The following FANCL variants were observed in gnomAD, a reference collection of about 807,000 sequenced individuals.
FANCL encodes the protein E3 ubiquitin-protein ligase FANCL.
A neutral mutation model predicts 59.4 loss-of-function variants in FANCL; 69 were observed. That is an observed-to-expected ratio of 1.16 (90% CI 0.96 to 1.42). The LOEUF is 1.42. Ranked by LOEUF, FANCL falls within the 40% of genes most tolerant of loss-of-function variation. The pLI is 0.00. For synonymous variants in FANCL, 180 were observed against 147.1 expected (o/e 1.22, Z -1.62); for missense variants, 519 against 447.2 (o/e 1.16, Z -1.45).
chr2:58,191,814 C>T (rs2105047458), intron 7 of FANCL, among the ~76,000 whole-genome samples: 1 of 151,970 alleles, frequency 6.6e-6, no homozygotes, highest in East Asian at 1.9e-4. Flanking sequence ...GCATTAACTC[C>T]CTACATCACT....
chr2:58,225,283 T>C (rs913044545), intron 4 of FANCL, among the ~76,000 whole-genome samples: 1 of 151,246 alleles, frequency 6.6e-6, no homozygotes, highest in Non-Finnish European at 1.5e-5. Context: ...AACTCATTAT[T>C]CTAAAAATTG....
At chr2:58,229,049 C>T (rs1298482239) in intron 3 of FANCL, among the ~76,000 whole-genome samples, 3 of 152,096 alleles carry the variant, frequency 2.0e-5, no homozygotes, top group Non-Finnish European at 4.4e-5. Context: ...AACCTTCATT[C>T]TATAAATCAA....
rs2103754665 is a variant in FANCL, at chr2:58,222,042, C to T, written c.274G>A (p.Glu92Lys). ...TCTTGTCTATTCTTTAAGGCAACTT[C>T]CTGTTTAAAAGAAGAAAACCTGAAT... The part of the protein sequence containing the change: ...SFMMELKMLL[E>K]VALKNRQELY... The change falls in exon 5 of 14, where the codon GAA becomes AAA. Residue 92 changes from glutamate to lysine, a missense_variant and splice_region_variant. Coordinates refer to ENST00000233741, the MANE Select transcript of FANCL (RefSeq NM_018062.4). 1 of 1,610,256 alleles carries T rather than the reference C, an allele frequency of 6.2e-7. No individual in the cohort carries two copies. Among genetic ancestry groups the T allele is most frequent in the Non-Finnish European group, 8.5e-7 (1 of 1,176,804 alleles).
At chr2:58,176,133 T>C (rs936401609) in intron 7 of FANCL, among the ~76,000 whole-genome samples, 2 of 151,464 alleles carry the variant, frequency 1.3e-5, no homozygotes, top group African/African-American at 4.8e-5. Flanking sequence ...TAAAAGAGGA[T>C]ACAAACAAAT....
intron 2 of FANCL, among the ~76,000 whole-genome samples, chr2:58,231,020 T>C (rs1353316363): frequency 6.6e-6 from 1 of 152,180 alleles, no homozygotes; most frequent in African/African-American, 2.4e-5. Flanking sequence ...GCATCTAACC[T>C]ATCTCTTTGT....
At chr2:58,188,006 G>A (rs939979568) in intron 7 of FANCL, among the ~76,000 whole-genome samples, 1 of 152,100 alleles carries the variant, frequency 6.6e-6, no homozygotes, top group Non-Finnish European at 1.5e-5. Flanking sequence ...GCCTAGCCTA[G>A]AGTTACAAAT....
intron 2 of FANCL, 28 bp downstream of exon 2, chr2:58,232,026 G>T: frequency 6.2e-7 from 1 of 1,604,176 alleles, no homozygotes; most frequent in African/African-American, 1.3e-5. Flanking sequence ...ATGCAAAAAT[G>T]CACGTTTATA....
intron 1 of FANCL, 36 bp downstream of exon 1, chr2:58,241,182 G>T: frequency 6.2e-7 from 1 of 1,604,400 alleles, no homozygotes; most frequent in Non-Finnish European, 8.5e-7. Flanking sequence ...GCTGCAAGAG[G>T]CTCTCTTAGC....
At chr2:58,216,831 C>A (rs1691767978) in intron 5 of FANCL, among the ~76,000 whole-genome samples, 1 of 151,788 alleles carries the variant, frequency 6.6e-6, no homozygotes, top group Non-Finnish European at 1.5e-5. Context: ...CCTTACCGCC[C>A]AGGTTGGAAT....
chr2:58,202,621 T>A (rs1370991131), intron 6 of FANCL, among the ~76,000 whole-genome samples: 4 of 151,838 alleles, frequency 2.6e-5, no homozygotes, highest in African/African-American at 9.7e-5. Context: ...ACTACAGATG[T>A]TGCAAAACTG....
intron 5 of FANCL, among the ~76,000 whole-genome samples, chr2:58,206,643 A>G (rs1426200403): frequency 1.3e-5 from 2 of 152,224 alleles, no homozygotes; most frequent in Non-Finnish European, 2.9e-5. Context: ...ATCACATAAC[A>G]TAAAATTATC....
At chr2:58,185,032 A>G (rs1347020210) in intron 7 of FANCL, among the ~76,000 whole-genome samples, 1 of 152,148 alleles carries the variant, frequency 6.6e-6, no homozygotes, top group Non-Finnish European at 1.5e-5. Context: ...AAAGAGGCAC[A>G]GGCCAAACAA....
At chr2:58,170,671 A>C (rs1573552660) in intron 7 of FANCL, among the ~76,000 whole-genome samples, 1 of 151,006 alleles carries the variant, frequency 6.6e-6, no homozygotes, top group Non-Finnish European at 1.5e-5. Flanking sequence ...GGATGGAGGA[A>C]TATTTACCAA....
At chr2:58,236,758 AAAG>A (rs1424580336) in intron 1 of FANCL, among the ~76,000 whole-genome samples, 1 of 152,064 alleles carries the variant, frequency 6.6e-6, no homozygotes, top group Non-Finnish European at 1.5e-5. Flanking sequence ...AGTTTAAAAT[AAAG>A]AAGTAAAGAT....
At chr2:58,199,491 AAG>A (rs1469266758) in intron 6 of FANCL, among the ~76,000 whole-genome samples, 1 of 152,190 alleles carries the variant, frequency 6.6e-6, no homozygotes, top group African/African-American at 2.4e-5. Context: ...AGAAGATAAA[AAG>A]AATGAAATAT....
In FANCL at chr2:58,160,083, G is replaced by A. The variant is rs188673141; in HGVS notation, c.1092+25C>T. On this transcript the variant is annotated intron_variant, in intron 13 of 13. Coordinates refer to ENST00000233741, the MANE Select transcript of FANCL (RefSeq NM_018062.4). ...TTACTGAAAGCTAGGCACATTTTAT[G>A]AGATGTGATTAACAATTTGCTTACC... 711 of 1,608,968 alleles carry A rather than the reference G, an allele frequency of 4.4e-4. 2 individuals are homozygous for A. The African/African-American group carries it at 8.4e-3, about 19-fold the overall frequency.
At chr2:58,232,249 T>C (rs1693654851) in intron 1 of FANCL, 137 bp from the exon 2 acceptor site, 4 of 733,892 alleles carry the variant, frequency 5.5e-6, no homozygotes, top group Non-Finnish European at 7.1e-6. Flanking sequence ...ATCTTTATAC[T>C]TGTTAAAATA....
Position 58,159,527 on chromosome 2 carries a change from C to A in FANCL, c.*238G>T. The stretch of plus-strand genomic sequence containing the variant: ...AGATCTCCATCTTGGTATAAATACA[C>A]TTCCACAGTCAGCACGGGGATCACA... On this transcript the variant is annotated 3_prime_UTR_variant, in exon 14 of 14. Transcript: ENST00000233741. 2 of 1,613,796 alleles carry A rather than the reference C, an allele frequency of 1.2e-6. No individual in the cohort carries two copies. The highest frequency in any genetic ancestry group is 1.7e-6 in the Non-Finnish European group (2 of 1,179,794).
At chr2:58,165,594 G>A in intron 8 of FANCL, 130 bp downstream of exon 8, 4 of 1,154,460 alleles carry the variant, frequency 3.5e-6, no homozygotes, top group Non-Finnish European at 5.0e-6. Context: ...CCAAAAAAAA[G>A]TTTATACTAG....
Sources: gnomAD v4.1 joint callset for allele counts (sites outside exome capture counted in the v4.1 genomes callset) on GRCh38, gnomAD v4.1.1 for gene constraint, MANE v1.5 for transcripts, NCBI Gene and HGNC (gene_info 2026-07-23, HGNC 2026-07-21) for gene names.